The following CCNG2 variants were observed in gnomAD, a reference collection of about 807,000 sequenced individuals.
CCNG2 encodes the protein cyclin G2, also known as cyclin-G2.
Under a neutral mutation model 36.5 loss-of-function variants are expected in CCNG2, and 20 were observed. The ratio of observed to expected loss-of-function variants is 0.55; its 90% CI spans 0.39 to 0.80. CCNG2 has a LOEUF of 0.80. CCNG2 is among the 30% of genes least tolerant of loss of function. The probability of loss-of-function intolerance (pLI) is 0.00; values close to 1 mark genes in which losing one functional copy is unlikely to be tolerated. For synonymous variants in CCNG2, 155 were observed against 140.1 expected, an observed-to-expected ratio of 1.11 and a Z score of -0.75; for missense variants, 358 against 390.8, an observed-to-expected ratio of 0.92 and a Z score of 0.71.
chr4:77,159,559 A>G, intron 3 of CCNG2, 55 bp downstream of exon 3: 6 of 1,540,846 alleles, frequency 3.9e-6, no homozygotes, highest in Non-Finnish European at 5.3e-6. Flanking sequence ...AGTGCCTAGC[A>G]CACAGGGTTC....
rs972821951 is a variant in CCNG2 at position 77,166,232 on chromosome 4, T to A, written c.*308T>A. 7 of 182,218 alleles carry A rather than the reference T, an allele frequency of 3.8e-5. No individual in the cohort carries two copies. The highest frequency in any genetic ancestry group is 3.6e-4 in the Admixed American group (6 of 16,680). 11.3% of individuals were successfully genotyped at this position (182,218 alleles called of 1,614,324 possible). ...TCAATTTGTTACTTTTCAAGATTTT[T>A]AAAAATAACTAGTGTAGCTTATCTT... On this transcript the variant is annotated 3_prime_UTR_variant, in exon 8 of 8. Transcript: ENST00000316355.
intron 3 of CCNG2, 72 bp from the exon 4 acceptor site, chr4:77,160,649 C>T (rs934229458): frequency 7.0e-7 from 1 of 1,432,886 alleles, no homozygotes; most frequent in Non-Finnish European, 9.6e-7. Context: ...ATAGGAGCAT[C>T]ATTACAATAT....
At chr4:77,157,901 T>C (rs1392172155) in intron 1 of CCNG2, among the ~76,000 whole-genome samples, 1 of 151,830 alleles carries the variant, frequency 6.6e-6, no homozygotes, top group Non-Finnish European at 1.5e-5. Context: ...ACTGGACTTC[T>C]CTCCCCGGAC....
Position 77,161,558 on chromosome 4 carries a change from A to G in CCNG2, c.606A>G (p.Lys202=), listed in dbSNP as rs1483235635. The G allele has an allele frequency of 1.2e-6, 2 of 1,607,340 alleles. No homozygotes were observed. Among genetic ancestry groups the G allele is most frequent in the Non-Finnish European group, 1.7e-6 (2 of 1,177,058 alleles). ...CNCRLIFSKA[K]PSVLALCLLN... Reference sequence around the variant, plus strand: ...GCCGACTCATCTTTTCAAAAGCAAAAGTAAGTCGATTCCTTGCTTATGTAT... The same window carrying G: ...GCCGACTCATCTTTTCAAAAGCAAAGGTAAGTCGATTCCTTGCTTATGTAT... The change falls in exon 5 of 8, where the codon AAA becomes AAG. Residue 202 remains lysine, a splice_region_variant and synonymous_variant. Transcript: ENST00000316355.
rs1731675366 is a variant in CCNG2, at chr4:77,168,112, A to G, written c.*2188A>G. On this transcript the variant is annotated 3_prime_UTR_variant, in exon 8 of 8. Coordinates refer to ENST00000316355, the MANE Select transcript of CCNG2 (RefSeq NM_004354.3). ...TCACATGGCCTGCCATGCCACTTGG[A>G]GGTTTCTGATTACTCCCAAACCTGC... The G allele has an allele frequency of 6.6e-6, 1 of 152,314 alleles. No homozygotes were observed. Among genetic ancestry groups the G allele is most frequent in the African/African-American group, 2.4e-5 (1 of 41,576 alleles). The allele number at this position is 152,314 out of a possible 1,614,324, so 9.4% of individuals were successfully genotyped here. A position where few individuals can be genotyped will look rare whatever the true frequency, so the allele number is the denominator to read the frequency against.
intron 3 of CCNG2, 114 bp from the exon 4 acceptor site, chr4:77,160,607 G>A: frequency 9.4e-7 from 1 of 1,062,898 alleles, no homozygotes; most frequent in Non-Finnish European, 1.4e-6. Context: ...GTACATATAA[G>A]AGAAACAACT....
In CCNG2 at chr4:77,161,716, A is replaced by C. The variant is rs369288342; in HGVS notation, c.674A>C (p.Glu225Ala). Reference sequence around the variant, plus strand: ...ACTTTGAAATCTGTTGAATTACTGGAAATTCTCTTGCTAGTTAAAAAACAT... The same window carrying C: ...ACTTTGAAATCTGTTGAATTACTGGCAATTCTCTTGCTAGTTAAAAAACAT... Reference protein sequence around the residue: ...VETLKSVELLEILLLVKKHSK... With the variant: ...VETLKSVELLAILLLVKKHSK... The change falls in exon 6 of 8, where the codon GAA (glutamate) becomes GCA (alanine). Residue 225 changes from glutamate to alanine, a missense_variant. Coordinates refer to ENST00000316355, the MANE Select transcript of CCNG2 (RefSeq NM_004354.3). The C allele has an allele frequency of 3.1e-6, 5 of 1,609,398 alleles. No homozygotes were observed. Among genetic ancestry groups the C allele is most frequent in the Non-Finnish European group, 4.2e-6 (5 of 1,177,866 alleles).
At chr4:77,163,209 T>C (rs1301657481) in intron 6 of CCNG2, among the ~76,000 whole-genome samples, 1 of 152,116 alleles carries the variant, frequency 6.6e-6, no homozygotes, top group East Asian at 1.9e-4. Flanking sequence ...CAGTTGAAGC[T>C]CTGGGGTTTT....
intron 3 of CCNG2, among the ~76,000 whole-genome samples, 186 bp from the exon 4 acceptor site, chr4:77,160,535 G>GGA (rs1553894303): frequency 6.7e-6 from 1 of 148,970 alleles, no homozygotes; most frequent in African/African-American, 2.5e-5. Flanking sequence ...TTTTTTTGGG[G>GGA]GGGGGGGGAG....
chr4:77,165,685 T>C, intron 7 of CCNG2, 116 bp from the exon 8 acceptor site: 1 of 846,254 alleles, frequency 1.2e-6, no homozygotes, highest in Non-Finnish European at 1.7e-6. Flanking sequence ...CTGTAAAGCA[T>C]AAATTTTGAA....
rs1322629076 is a variant in CCNG2, at chr4:77,168,344, T to C, written c.*2420T>C. ...GTACTCTTTATCAGCAGAGGTACTG[T>C]AATATATTTGTGATCCCTCAGCTTC... On this transcript the variant is annotated 3_prime_UTR_variant, in exon 8 of 8. Coordinates refer to ENST00000316355, the MANE Select transcript of CCNG2 (RefSeq NM_004354.3). 1 of 152,248 alleles carries C rather than the reference T, an allele frequency of 6.6e-6. No homozygotes were observed. Among genetic ancestry groups the C allele is most frequent in the African/African-American group, 2.4e-5 (1 of 41,468 alleles). The allele number at this position is 152,248 out of a possible 1,614,324, so 9.4% of individuals were successfully genotyped here. A position where few individuals can be genotyped will look rare whatever the true frequency, so the allele number is the denominator to read the frequency against.
At chr4:77,162,626 C>G (rs1008097395) in intron 6 of CCNG2, among the ~76,000 whole-genome samples, 1 of 152,004 alleles carries the variant, frequency 6.6e-6, no homozygotes, top group Non-Finnish European at 1.5e-5. Context: ...CAAGTGATCC[C>G]ACCTGCCTTG....
In CCNG2 at chr4:77,157,271, C is replaced by G. The variant is rs1368664451; in HGVS notation, c.-236C>G. The G allele has an allele frequency of 1.3e-5, 2 of 152,458 alleles. No homozygotes were observed. The highest frequency in any genetic ancestry group is 2.9e-5 in the Non-Finnish European group (2 of 68,296). The allele number at this position is 152,458 out of a possible 1,614,324, so 9.4% of individuals were successfully genotyped here. ...GAGGCGGCGGGGGTGCGGCGGTGGG[C>G]TGGTCTTCCGCGGCCGGCGTTGCGC... On this transcript the variant is annotated 5_prime_UTR_variant, in exon 1 of 8. Transcript: ENST00000316355.
chr4:77,161,777 A>AT, intron 6 of CCNG2, 30 bp downstream of exon 6: 2 of 1,409,092 alleles, frequency 1.4e-6, no homozygotes, highest in Non-Finnish European at 9.8e-7. Context: ...TTTAAGGCAA[A>AT]TTTTTTTCCT....
Position 77,164,123 on chromosome 4 carries a change from T to C in CCNG2, c.706-151T>C, listed in dbSNP as rs1577907617. On this transcript the variant is annotated intron_variant, in intron 6 of 7. Coordinates refer to ENST00000316355, the MANE Select transcript of CCNG2 (RefSeq NM_004354.3). ...ACTCTTGATGCCCATGTTGCACTCA[T>C]TGTCAATTAAATCAGAATACCAGGG... 1.0e-5 allele frequency: 6 copies of C among 602,900 alleles called. No homozygotes were observed. The South Asian group carries it at 1.2e-4, about 12-fold the overall frequency. The allele number at this position is 602,900 out of a possible 1,614,324, so 37.3% of individuals were successfully genotyped here. A position where few individuals can be genotyped will look rare whatever the true frequency, so the allele number is the denominator to read the frequency against.
In CCNG2 at chr4:77,166,004, C is replaced by A. The variant is rs985736941; in HGVS notation, c.*80C>A. Reference sequence around the variant, plus strand: ...GGGAATAGGTAGTTTCCTGGTTTAGCCCCCATCTAGTCAGGAATTAATATA... The same window carrying A: ...GGGAATAGGTAGTTTCCTGGTTTAGACCCCATCTAGTCAGGAATTAATATA... On this transcript the variant is annotated 3_prime_UTR_variant, in exon 8 of 8. Coordinates refer to ENST00000316355, the MANE Select transcript of CCNG2 (RefSeq NM_004354.3). The A allele has an allele frequency of 2.9e-6, 4 of 1,366,440 alleles. No homozygotes were observed. The African/African-American group carries it at 4.4e-5, about 15-fold the overall frequency. 84.6% of individuals were successfully genotyped at this position (1,366,440 alleles called of 1,614,324 possible).
At chr4:77,161,099 CTTTTTT>C (rs34505988) in intron 4 of CCNG2, 128 bp downstream of exon 4, 95 of 307,646 alleles carry the variant, frequency 3.1e-4, no homozygotes, top group South Asian at 3.7e-4. Context: ...ATTGGTAAAT[CTTTTTT>C]TTTTTTTTTT....
At chr4:77,163,251 C>A (rs1731535423) in intron 6 of CCNG2, among the ~76,000 whole-genome samples, 1 of 152,012 alleles carries the variant, frequency 6.6e-6, no homozygotes, top group South Asian at 2.1e-4. Flanking sequence ...ACATTAGGAG[C>A]CAAGTGAAGA....
chr4:77,168,861 A>G lies in CCNG2; in HGVS notation c.*2937A>G, dbSNP rs1731695523. On this transcript the variant is annotated 3_prime_UTR_variant, in exon 8 of 8. Coordinates refer to ENST00000316355, the MANE Select transcript of CCNG2 (RefSeq NM_004354.3). Reference sequence around the variant, plus strand: ...CAGAGCAGAGGGTGAGGAGAAAGCTACCATTTTGTCCTCATCCTTACCCCC... The same window carrying G: ...CAGAGCAGAGGGTGAGGAGAAAGCTGCCATTTTGTCCTCATCCTTACCCCC... 6.6e-6 allele frequency: 1 copy of G among 152,186 alleles called. No individual in the cohort carries two copies. The highest frequency in any genetic ancestry group is 2.4e-5 in the African/African-American group (1 of 41,430). The allele number at this position is 152,186 out of a possible 1,614,324, so 9.4% of individuals were successfully genotyped here.
Sources: gnomAD v4.1 joint callset for allele counts (sites outside exome capture counted in the v4.1 genomes callset) on GRCh38, gnomAD v4.1.1 for gene constraint, MANE v1.5 for transcripts, NCBI Gene and HGNC (gene_info 2026-07-23, HGNC 2026-07-21) for gene names.